The following RABGAP1 variants were observed in gnomAD, a reference collection of about 807,000 sequenced individuals.
The protein encoded by RABGAP1 is RAB GTPase activating protein 1.
Under a neutral mutation model 137.6 loss-of-function variants are expected in RABGAP1, and 23 were observed. The observed-to-expected ratio is 0.17, with a 90% confidence interval of 0.12 to 0.24. RABGAP1 has a LOEUF of 0.24. Ranked by LOEUF, RABGAP1 falls within the 10% of genes least tolerant of loss-of-function variation. The pLI, the probability that RABGAP1 is intolerant of heterozygous loss-of-function variation, is 1.00. For synonymous variants in RABGAP1, 451 were observed against 450.7 expected, an observed-to-expected ratio of 1.00 and a Z score of -0.01; for missense variants, 906 against 1,275.8, an observed-to-expected ratio of 0.71 and a Z score of 4.42.
chr9:122,932,630 A>G, the RABGAP1 span, among the ~76,000 whole-genome samples: 3 of 151,898 alleles, frequency 2.0e-5, no homozygotes, highest in Non-Finnish European at 2.9e-5. Context: ...CCTGGGTTCA[A>G]GCGGTTCTCC....
intron 2 of RABGAP1, among the ~76,000 whole-genome samples, chr9:122,968,815 A>G (rs1835316232): frequency 6.6e-6 from 1 of 152,196 alleles, no homozygotes; most frequent in Non-Finnish European, 1.5e-5. Context: ...GGGTTTTGCC[A>G]TGTAGGCCAG....
At chr9:122,986,452 T>G (rs1266644020) in intron 4 of RABGAP1, 33 bp downstream of exon 4, 1 of 1,588,698 alleles carries the variant, frequency 6.3e-7, no homozygotes, top group East Asian at 2.2e-5. Context: ...TTTCGATATT[T>G]ACATCAGATC....
chr9:123,050,774 A>G (rs905312141), intron 13 of RABGAP1, among the ~76,000 whole-genome samples: 3 of 152,204 alleles, frequency 2.0e-5, no homozygotes, highest in African/African-American at 7.2e-5. Context: ...TGAGCTGCAG[A>G]TTTGATTCCG....
chr9:123,034,333 G>A (rs898426622), intron 13 of RABGAP1: 5 of 547,132 alleles, frequency 9.1e-6, no homozygotes, highest in East Asian at 3.0e-5. Context: ...CTATGGCCGC[G>A]TCTGGGACTG....
At chr9:122,965,217 A>T (rs1835075000) in intron 2 of RABGAP1, among the ~76,000 whole-genome samples, 1 of 152,194 alleles carries the variant, frequency 6.6e-6, no homozygotes, top group Admixed American at 6.5e-5. Flanking sequence ...GCTGAATGAC[A>T]GTCACAAAAG....
intron 13 of RABGAP1, among the ~76,000 whole-genome samples, chr9:123,036,609 G>A (rs149073891): frequency 2.6e-5 from 4 of 152,244 alleles, no homozygotes; most frequent in East Asian, 1.9e-4. Context: ...AAAGTATACC[G>A]TAGTATACAG....
chr9:123,084,840 G>C (rs2034818592), intron 19 of RABGAP1, among the ~76,000 whole-genome samples: 1 of 152,166 alleles, frequency 6.6e-6, no homozygotes, highest in South Asian at 2.1e-4. Context: ...TACAGATGAG[G>C]AAATAGAGGC....
chr9:122,979,467 T>C (rs921399956), intron 2 of RABGAP1, among the ~76,000 whole-genome samples: 2 of 152,202 alleles, frequency 1.3e-5, no homozygotes, highest in Admixed American at 6.5e-5. Flanking sequence ...AGCAGAACTT[T>C]TTAATTTTAA....
intron 13 of RABGAP1, among the ~76,000 whole-genome samples, chr9:123,036,040 A>G (rs1229991324): frequency 6.6e-6 from 1 of 152,180 alleles, no homozygotes; most frequent in Non-Finnish European, 1.5e-5. Context: ...TTCATATGCA[A>G]TTGATTTCTT....
At chr9:123,084,237 T>C (rs2034800666) in intron 19 of RABGAP1, among the ~76,000 whole-genome samples, 1 of 152,236 alleles carries the variant, frequency 6.6e-6, no homozygotes, top group Admixed American at 6.5e-5. Flanking sequence ...AAGTCCTGAG[T>C]AAATCTCAGG....
intron 1 of RABGAP1, chr9:122,946,220 G>A (rs1198224622): frequency 1.3e-5 from 2 of 151,994 alleles, no homozygotes; most frequent in Non-Finnish European, 2.9e-5. Context: ...AATCAAACAG[G>A]TCATAGAAAA....
chr9:122,978,627 C>A (rs1233807136), intron 2 of RABGAP1, among the ~76,000 whole-genome samples: 1 of 152,090 alleles, frequency 6.6e-6, no homozygotes, highest in Non-Finnish European at 1.5e-5. Context: ...AGAGAAAAAC[C>A]CTGTCTCTCA....
At chr9:123,087,577 A>G (rs191849504) in intron 19 of RABGAP1, among the ~76,000 whole-genome samples, 1 of 152,340 alleles carries the variant, frequency 6.6e-6, no homozygotes, top group East Asian at 1.9e-4. Context: ...TTACCCTAGC[A>G]TTGGGCCTAA....
At chr9:123,052,343 A>T (rs118179588) in intron 13 of RABGAP1, among the ~76,000 whole-genome samples, 45 of 152,310 alleles carry the variant, frequency 3.0e-4, no homozygotes, top group Middle Eastern at 3.4e-3. Flanking sequence ...AGATAGACCT[A>T]CATGTTGTTA....
intron 1 of RABGAP1, among the ~76,000 whole-genome samples, chr9:122,949,775 TA>T (rs1049193085): frequency 8.7e-5 from 13 of 149,310 alleles, no homozygotes; most frequent in African/African-American, 3.2e-4. Context: ...TGTGATGAAC[TA>T]AAAAACAAAA....
intron 2 of RABGAP1, among the ~76,000 whole-genome samples, chr9:122,961,515 A>G (rs1240751901): frequency 6.6e-6 from 1 of 152,244 alleles, no homozygotes; most frequent in Non-Finnish European, 1.5e-5. Flanking sequence ...CCACTTTACA[A>G]GAAACACTAA....
At chr9:123,036,432 G>A (rs1204328214) in intron 13 of RABGAP1, among the ~76,000 whole-genome samples, 1 of 152,182 alleles carries the variant, frequency 6.6e-6, no homozygotes, top group Non-Finnish European at 1.5e-5. Context: ...ACAGCAAAAT[G>A]TGCTTAAGCT....
In RABGAP1 at chr9:122,986,270, C is replaced by T. The variant is rs139179091; in HGVS notation, c.441C>T (p.Phe147=). 1.0e-4 allele frequency: 169 copies of T among 1,614,066 alleles called. No individual in the cohort carries two copies. The highest frequency in any genetic ancestry group is 1.0e-3 in the African/African-American group (76 of 74,936). Residue 147 remains phenylalanine (F), a synonymous_variant, in exon 4 of 26, where the codon TTC becomes TTT. Coordinates refer to ENST00000373647, the MANE Select transcript of RABGAP1 (RefSeq NM_012197.4). ...TGGCCGATGAGGACAGCGTAGTTTT[C>T]AGTAAACTGACTTACTTAGGCTGTG... The part of the protein sequence containing the change: ...TPVADEDSVV[F]SKLTYLGCAS...
At chr9:123,043,104 T>C (rs1038983963) in intron 13 of RABGAP1, among the ~76,000 whole-genome samples, 3 of 152,172 alleles carry the variant, frequency 2.0e-5, no homozygotes, top group Non-Finnish European at 4.4e-5. Context: ...ACTAAACTCA[T>C]TTTGAGGTCT....
Sources: gnomAD v4.1 joint callset for allele counts (sites outside exome capture counted in the v4.1 genomes callset) on GRCh38, gnomAD v4.1.1 for gene constraint, MANE v1.5 for transcripts, NCBI Gene and HGNC (gene_info 2026-07-23, HGNC 2026-07-21) for gene names.